Variants in TENT4A observed in about 807,000 individuals in gnomAD.
The protein encoded by TENT4A is terminal nucleotidyltransferase 4A.
In TENT4A, 7 loss-of-function variants were observed where a neutral mutation model predicts 72.8. That is an observed-to-expected ratio of 0.10 (90% CI 0.05 to 0.18). The LOEUF (loss-of-function observed/expected upper bound fraction) is 0.18. Among genes scored for constraint, TENT4A ranks in the 10% least tolerant of loss-of-function variants. The probability of loss-of-function intolerance (pLI) is 1.00; values close to 1 mark genes in which losing one functional copy is unlikely to be tolerated. For missense variants in TENT4A, 831 were observed against 1,017.7 expected (o/e 0.82, Z 2.50); for synonymous variants, 456 against 434.3 (o/e 1.05, Z -0.62).
At chr5:6,733,727 A>C (rs933100515) in intron 1 of TENT4A, among the ~76,000 whole-genome samples, 1 of 152,118 alleles carries the variant, frequency 6.6e-6, no homozygotes, top group African/African-American at 2.4e-5. Context: ...GGAGAATTGA[A>C]CCAGCGGGCA....
chr5:6,718,206 A>G lies in TENT4A; in HGVS notation c.716+3507A>G, dbSNP rs1013948180. On this transcript the variant is annotated intron_variant, in intron 1 of 12. Coordinates refer to ENST00000230859, the MANE Select transcript of TENT4A (RefSeq NM_006999.6). ...AGACCGACGACTGTCGGCATAGGAC[A>G]TGGTCAGCCATGCCCCGCAAGGCGT... Among the ~76,000 whole-genome samples the G allele has an allele frequency of 2.6e-5, 4 of 152,266 alleles. No homozygotes were observed. In the South Asian group the frequency reaches 6.2e-4, roughly 24 times the overall value.
At chr5:6,750,570 GC>G in intron 10 of TENT4A, 67 bp downstream of exon 10, 1 of 1,397,602 alleles carries the variant, frequency 7.2e-7, no homozygotes, top group Non-Finnish European at 9.6e-7. Context: ...GTCCATAGCC[GC>G]GAGCTTAAAA....
At chr5:6,743,564 C>G in intron 5 of TENT4A, 148 bp from the exon 6 acceptor site, 2 of 630,340 alleles carry the variant, frequency 3.2e-6, no homozygotes, top group South Asian at 2.1e-5. Context: ...CGTCCCCCAA[C>G]CAAAGTTTGA....
At chr5:6,734,907 A>G (rs542239755) in intron 1 of TENT4A, among the ~76,000 whole-genome samples, 1 of 152,348 alleles carries the variant, frequency 6.6e-6, no homozygotes, top group Non-Finnish European at 1.5e-5. Flanking sequence ...TTGTGTGTCT[A>G]AGGCAGACTG....
At chr5:6,718,984 G>T (rs544782572) in intron 1 of TENT4A, among the ~76,000 whole-genome samples, 1 of 152,176 alleles carries the variant, frequency 6.6e-6, no homozygotes, top group African/African-American at 2.4e-5. Context: ...AAAAAAAAAG[G>T]CTTAATGCTC....
chr5:6,728,324 G>T (rs1393015771), intron 1 of TENT4A, among the ~76,000 whole-genome samples: 2 of 152,188 alleles, frequency 1.3e-5, no homozygotes, highest in Non-Finnish European at 2.9e-5. Flanking sequence ...TTTTACTAAG[G>T]CTATGTAATG....
intron 1 of TENT4A, among the ~76,000 whole-genome samples, chr5:6,730,262 A>G (rs916772949): frequency 3.9e-5 from 6 of 152,126 alleles, no homozygotes; most frequent in Non-Finnish European, 8.8e-5. Flanking sequence ...CACCTGCTCC[A>G]GGATCCTATG....
chr5:6,726,234 GT>G (rs1328183578), intron 1 of TENT4A, among the ~76,000 whole-genome samples: 1 of 152,206 alleles, frequency 6.6e-6, no homozygotes, highest in Non-Finnish European at 1.5e-5. Flanking sequence ...GCGTCCCTGT[GT>G]TGTACTTGGG....
chr5:6,753,686 G>A (rs1051293012), intron 12 of TENT4A, among the ~76,000 whole-genome samples: 2 of 152,222 alleles, frequency 1.3e-5, no homozygotes, highest in Non-Finnish European at 1.5e-5. Flanking sequence ...GCGGATGCTC[G>A]GTGCTTTCAT....
chr5:6,725,689 T>C (rs897724082), intron 1 of TENT4A, among the ~76,000 whole-genome samples: 2 of 152,222 alleles, frequency 1.3e-5, no homozygotes, highest in East Asian at 3.8e-4. Context: ...GTGGTTTGTT[T>C]TTTAAAGCAG....
chr5:6,728,634 C>T (rs1186025283), intron 1 of TENT4A, among the ~76,000 whole-genome samples: 1 of 152,308 alleles, frequency 6.6e-6, no homozygotes, highest in Non-Finnish European at 1.5e-5. Flanking sequence ...GCTGACACAG[C>T]GTCAGCAGCA....
chr5:6,724,021 C>G (rs1184926855), intron 1 of TENT4A, among the ~76,000 whole-genome samples: 3 of 152,220 alleles, frequency 2.0e-5, no homozygotes, highest in Admixed American at 2.0e-4. Context: ...GCGCAGCTGC[C>G]TCAGTCAGCA....
intron 1 of TENT4A, among the ~76,000 whole-genome samples, chr5:6,717,312 G>C (rs1389903637): frequency 2.0e-5 from 3 of 152,228 alleles, no homozygotes; most frequent in African/African-American, 7.2e-5. Context: ...GCTGCTTGGG[G>C]TTGTGATATA....
At chr5:6,715,838 A>G (rs1740354906) in intron 1 of TENT4A, among the ~76,000 whole-genome samples, 1 of 152,162 alleles carries the variant, frequency 6.6e-6, no homozygotes, top group Non-Finnish European at 1.5e-5. Context: ...TACCTTCTAA[A>G]TTTCCCGAAG....
rs545532433 is a variant in TENT4A, at chr5:6,755,113, A to G, written c.*168A>G. ...CGTGTGGTGGTCGCGTCCATCTTCA[A>G]GAACAGCTCGTTGTGCTCATCTGTG... On this transcript the variant is annotated 3_prime_UTR_variant, in exon 13 of 13. Transcript: ENST00000230859. 2 of 528,026 alleles carry G rather than the reference A, an allele frequency of 3.8e-6. No homozygotes were observed. Among genetic ancestry groups the G allele is most frequent in the South Asian group, 6.7e-5 (2 of 29,844 alleles). The allele number at this position is 528,026 out of a possible 1,614,324, so 32.7% of individuals were successfully genotyped here. A position where few individuals can be genotyped will look rare whatever the true frequency, so the allele number is the denominator to read the frequency against.
Position 6,755,889 on chromosome 5 carries a change from TTAGG to T in TENT4A, c.*945_*948del, listed in dbSNP as rs1742668162. On this transcript the variant is annotated 3_prime_UTR_variant, in exon 13 of 13. Transcript: ENST00000230859. ...GAAGGGTTGTCACATTATAAAATCT[TTAGG>T]AAAATGTGAACTGGAAAACGCTTCG... The T allele has an allele frequency of 6.6e-6, 1 of 152,254 alleles. No homozygotes were observed. The allele number at this position is 152,254 out of a possible 1,614,324, so 9.4% of individuals were successfully genotyped here. A position where few individuals can be genotyped will look rare whatever the true frequency, so the allele number is the denominator to read the frequency against.
rs1381289668 is a variant in TENT4A, at chr5:6,749,654, A to G, written c.1684A>G (p.Met562Val). The change falls in exon 9 of 13, where the codon ATG becomes GTG. Residue 562 changes from methionine (M) to valine (V), a missense_variant. Physicochemically the swap from Met to Val is conservative, Grantham distance 21. Coordinates refer to ENST00000230859, the MANE Select transcript of TENT4A (RefSeq NM_006999.6). ...CAGCAAAGCCCACCCGTCGCCAGGC[A>G]TGGGTGAGAGATTAATTCATTTGTG... is the stretch of plus-strand genomic sequence containing the variant. ...WGSKAHPSPG[M>V]DSRIKIKERI... is the part of the protein sequence containing the mutation. 7 of 1,604,626 alleles carry G rather than the reference A, an allele frequency of 4.4e-6. No homozygotes were observed. Among genetic ancestry groups the G allele is most frequent in the East Asian group, 2.2e-5 (1 of 44,842 alleles).
At chr5:6,728,264 G>C (rs907595975) in intron 1 of TENT4A, among the ~76,000 whole-genome samples, 1 of 152,174 alleles carries the variant, frequency 6.6e-6, no homozygotes, top group Non-Finnish European at 1.5e-5. Context: ...GCAGGAAGAT[G>C]GTGAATGTCA....
At chr5:6,720,644 C>G (rs1740599711) in intron 1 of TENT4A, among the ~76,000 whole-genome samples, 2 of 151,858 alleles carry the variant, frequency 1.3e-5, no homozygotes, top group African/African-American at 4.8e-5. Context: ...CCACAGCACT[C>G]TAGCCTGGTG....
Sources: allele counts gnomAD v4.1 joint callset (sites outside exome capture counted in the v4.1 genomes callset), GRCh38; gene constraint gnomAD v4.1.1; transcripts MANE v1.5; gene names NCBI Gene and HGNC (gene_info 2026-07-23, HGNC 2026-07-21).